PCDHA1: variants seen among roughly 807,000 people sequenced by gnomAD.
The protein encoded by PCDHA1 is protocadherin alpha-1.
In PCDHA1, 42 loss-of-function variants were observed where a neutral mutation model predicts 61.3. The ratio of observed to expected loss-of-function variants is 0.69; its 90% CI spans 0.54 to 0.89. The LOEUF (loss-of-function observed/expected upper bound fraction) is 0.89, where lower values mean the gene tolerates loss of function less well. PCDHA1 is among the 40% of genes least tolerant of loss of function. The pLI, the probability that PCDHA1 is intolerant of heterozygous loss-of-function variation, is 0.00. For missense variants in PCDHA1, 1,256 were observed against 1,235.3 expected (o/e 1.02, Z -0.25); for synonymous variants, 610 against 553.8 (o/e 1.10, Z -1.43).
intron 1 of PCDHA1, chr5:140,884,185 G>T (rs1554181312): frequency 6.2e-7 from 1 of 1,613,444 alleles, no homozygotes. Context: ...CTCTGGACGA[G>T]GTGGACGCGC....
In PCDHA1 at chr5:140,850,584, A is replaced by G. The variant is rs1484372356; in HGVS notation, c.2394+61900A>G. On this transcript the variant is annotated intron_variant, in intron 1 of 3. Transcript: ENST00000504120. Reference sequence around the variant, plus strand: ...CCCCGAGGTGACGCTGGTGGATGTCAACGTGTACCTGATCATCGCCATCTG... The same window carrying G: ...CCCCGAGGTGACGCTGGTGGATGTCGACGTGTACCTGATCATCGCCATCTG... The G allele has an allele frequency of 2.5e-6, 4 of 1,598,362 alleles. 1 individual carries two copies. The highest frequency in any genetic ancestry group is 3.4e-6 in the Non-Finnish European group (4 of 1,167,826).
chr5:140,801,105 C>T (rs1297198525), intron 1 of PCDHA1: 17 of 1,507,076 alleles, frequency 1.1e-5, no homozygotes, highest in African/African-American at 5.6e-5. Context: ...AAATTTAACA[C>T]CGAGGAGTTT....
At chr5:140,796,283 G>A (rs1554119809) in intron 1 of PCDHA1, 2 of 1,614,166 alleles carry the variant, frequency 1.2e-6, no homozygotes, top group Admixed American at 1.7e-5. Flanking sequence ...GCCACCACCA[G>A]CGTGTCCATC....
intron 1 of PCDHA1, chr5:140,809,735 A>C: frequency 1.4e-6 from 1 of 727,052 alleles, no homozygotes; most frequent in Non-Finnish European, 2.2e-6. Context: ...CATCAGAGCA[A>C]TATATATTGC....
intron 1 of PCDHA1, chr5:140,821,789 G>C: frequency 3.1e-6 from 5 of 1,611,922 alleles, no homozygotes; most frequent in Non-Finnish European, 4.2e-6. Context: ...GTATATTCCC[G>C]GAGAGGAAGT....
At chr5:140,794,884 C>A in intron 1 of PCDHA1, 1 of 1,414,042 alleles carries the variant, frequency 7.1e-7, no homozygotes, top group Non-Finnish European at 9.6e-7. Flanking sequence ...AGAGAAGCAG[C>A]AGGACTTTAA....
In PCDHA1 at chr5:140,786,978, A is replaced by T; in HGVS notation, c.688A>T (p.Ile230Phe). 6.2e-7 allele frequency: 1 copy of T among 1,614,176 alleles called. No homozygotes were observed. The highest frequency in any genetic ancestry group is 1.3e-5 in the African/African-American group (1 of 75,064). The change falls in exon 1 of 4, where the codon ATC becomes TTC. Residue 230 changes from isoleucine to phenylalanine, a missense_variant. By Grantham distance (21) the Ile-to-Phe change is conservative (BLOSUM62 0). Transcript: ENST00000504120. ...GCTGCAAGGTACAGTTGAGCTGCTG[A>T]TCACCGTCCTCGACGTTAATGATAA... ...PELQGTVELL[I>F]TVLDVNDNAP... is the part of the protein sequence containing the mutation.
intron 1 of PCDHA1, among the ~76,000 whole-genome samples, chr5:140,886,254 CTA>C (rs1304679943): frequency 6.6e-6 from 1 of 151,720 alleles, no homozygotes; most frequent in Non-Finnish European, 1.5e-5. Flanking sequence ...AAAAGTATCT[CTA>C]TTTATAGATA....
At position 140,875,988 on chromosome 5, in the gene PCDHA1, A is replaced by G. The variant is rs144050089; in HGVS notation, c.2394+87304A>G. On this transcript the variant is annotated intron_variant, in intron 1 of 3. Transcript: ENST00000504120. ...TAAACTCTCTTTTGACCTATGCGTT[A>G]AGTCTAAATGAGAATTTTGAGCTTA... 4,280 of 1,614,014 alleles carry G rather than the reference A, an allele frequency of 2.7e-3. 13 individuals are homozygous for G. The highest frequency in any genetic ancestry group is 3.4e-3 in the Non-Finnish European group (4,021 of 1,179,898).
chr5:140,894,778 T>C (rs1477645245), intron 1 of PCDHA1, among the ~76,000 whole-genome samples: 1 of 152,140 alleles, frequency 6.6e-6, no homozygotes, highest in Non-Finnish European at 1.5e-5. Flanking sequence ...TTTAGTGTAA[T>C]TATTTGTCCT....
At chr5:140,915,137 C>T (rs2076999053) in intron 1 of PCDHA1, among the ~76,000 whole-genome samples, 3 of 151,800 alleles carry the variant, frequency 2.0e-5, no homozygotes, top group South Asian at 2.1e-4. Context: ...TTAGTAGAGA[C>T]GGGGTTTCAC....
intron 1 of PCDHA1, chr5:140,875,264 C>G: frequency 8.4e-7 from 1 of 1,189,324 alleles, no homozygotes; most frequent in Non-Finnish European, 1.1e-6. Flanking sequence ...TGATGTCGCT[C>G]TACACTCAGA....
intron 1 of PCDHA1, chr5:140,797,236 G>T (rs1762201295): frequency 1.9e-6 from 3 of 1,614,194 alleles, no homozygotes; most frequent in Non-Finnish European, 2.5e-6. Context: ...GCGGCAGAGG[G>T]TGTGCTCTGG....
chr5:140,974,744 T>A (rs966437450), intron 1 of PCDHA1, among the ~76,000 whole-genome samples: 11 of 152,144 alleles, frequency 7.2e-5, no homozygotes, highest in African/African-American at 2.4e-4. Context: ...CACCTTGGCC[T>A]CCCAAAGTGC....
chr5:140,843,200 T>C (rs1554139863), intron 1 of PCDHA1: 1 of 1,595,954 alleles, frequency 6.3e-7, no homozygotes, highest in Non-Finnish European at 8.6e-7. Context: ...CGTGGGGCTG[T>C]ACACGGGCGA....
At chr5:140,937,064 G>A (rs2091301496) in intron 1 of PCDHA1, among the ~76,000 whole-genome samples, 1 of 143,854 alleles carries the variant, frequency 7.0e-6, no homozygotes, top group Admixed American at 7.1e-5. Context: ...TTGAGACGGA[G>A]TCTCGCTCTG....
At chr5:140,797,409 T>A in intron 1 of PCDHA1, 2 of 1,527,102 alleles carry the variant, frequency 1.3e-6, no homozygotes, top group Non-Finnish European at 1.8e-6. Flanking sequence ...AAAAATTCTA[T>A]ATGATTTCTA....
At chr5:140,952,349 A>T (rs1554220373) in intron 1 of PCDHA1, among the ~76,000 whole-genome samples, 2 of 152,000 alleles carry the variant, frequency 1.3e-5, no homozygotes, top group African/African-American at 4.8e-5. Flanking sequence ...AAAAAAAAAA[A>T]AAAAAGAAAG....
intron 1 of PCDHA1, among the ~76,000 whole-genome samples, chr5:140,844,016 T>G (rs1779187078): frequency 6.7e-6 from 1 of 149,762 alleles, no homozygotes; most frequent in Non-Finnish European, 1.5e-5. Flanking sequence ...CTAAGGACGT[T>G]CAGGGCATTT....
Sources: allele counts gnomAD v4.1 joint callset (sites outside exome capture counted in the v4.1 genomes callset), GRCh38; gene constraint gnomAD v4.1.1; transcripts MANE v1.5; gene names NCBI Gene and HGNC (gene_info 2026-07-23, HGNC 2026-07-21).